The following PDGFD variants were observed in gnomAD, a reference collection of about 807,000 sequenced individuals.
PDGFD encodes platelet derived growth factor D.
A neutral mutation model predicts 44.7 loss-of-function variants in PDGFD; 30 were observed. The observed-to-expected ratio is 0.67, with a 90% CI of 0.50 to 0.91. The LOEUF (loss-of-function observed/expected upper bound fraction) is 0.91. Ranked by LOEUF, PDGFD falls within the 40% of genes least tolerant of loss-of-function variation. PDGFD has a pLI of 0.00. For synonymous variants in PDGFD, 173 were observed against 168.4 expected (o/e 1.03, Z -0.21); for missense variants, 445 against 457.8 (o/e 0.97, Z 0.25).
At chr11:103,987,074 C>A (rs770716579) in intron 3 of PDGFD, among the ~76,000 whole-genome samples, 1,836 of 126,578 alleles carry the variant, frequency 0.015, 17 homozygotes, top group Non-Finnish European at 0.021. Context: ...AACCCCCCCC[C>A]ACCCCAAACA....
intron 3 of PDGFD, among the ~76,000 whole-genome samples, chr11:103,974,062 T>C (rs1343455172): frequency 1.3e-5 from 2 of 152,088 alleles, no homozygotes; most frequent in African/African-American, 2.4e-5. Flanking sequence ...AGATTCTTGT[T>C]TACTGTGTAG....
At chr11:103,925,647 C>G (rs944894271) in intron 6 of PDGFD, among the ~76,000 whole-genome samples, 1 of 143,662 alleles carries the variant, frequency 7.0e-6, no homozygotes, top group Non-Finnish European at 1.5e-5. Flanking sequence ...TCAGTCTACT[C>G]TCTCTCTCTC....
At chr11:103,923,225 T>C (rs558318034) in intron 6 of PDGFD, among the ~76,000 whole-genome samples, 6 of 152,208 alleles carry the variant, frequency 3.9e-5, no homozygotes, top group African/African-American at 1.4e-4. Flanking sequence ...CCAAGAAGCA[T>C]AGAATGATTG....
chr11:104,114,806 G>A (rs758220290), intron 1 of PDGFD, among the ~76,000 whole-genome samples: 9 of 150,888 alleles, frequency 6.0e-5, no homozygotes, highest in Non-Finnish European at 1.0e-4. Context: ...TATAGACCCC[G>A]TACATATTTC....
At chr11:104,085,591 A>G (rs1246440487) in intron 1 of PDGFD, among the ~76,000 whole-genome samples, 3 of 152,176 alleles carry the variant, frequency 2.0e-5, no homozygotes, top group Non-Finnish European at 4.4e-5. Context: ...TTATTTATTC[A>G]CTTAGAAATA....
At chr11:104,157,064 T>TA (rs1009901584) in intron 1 of PDGFD, among the ~76,000 whole-genome samples, 1 of 152,200 alleles carries the variant, frequency 6.6e-6, no homozygotes, top group Non-Finnish European at 1.5e-5. Flanking sequence ...TGAAAAAACT[T>TA]AAAGTGTTGT....
chr11:104,087,248 T>C (rs1269403485), intron 1 of PDGFD, among the ~76,000 whole-genome samples: 1 of 146,552 alleles, frequency 6.8e-6, no homozygotes, highest in Non-Finnish European at 1.5e-5. Flanking sequence ...TAGGCTGAAG[T>C]GCAGTGGTGC....
chr11:104,034,545 G>T (rs1860187101), intron 1 of PDGFD, among the ~76,000 whole-genome samples: 1 of 152,116 alleles, frequency 6.6e-6, no homozygotes, highest in African/African-American at 2.4e-5. Context: ...TCAAAGAAGG[G>T]GGTGAAACTA....
At chr11:103,923,657 A>T (rs1858260497) in intron 6 of PDGFD, among the ~76,000 whole-genome samples, 1 of 152,066 alleles carries the variant, frequency 6.6e-6, no homozygotes, top group African/African-American at 2.4e-5. Context: ...AGCAACCCCC[A>T]CTTCTGGAAA....
At chr11:104,144,507 C>CAAAAAAAAAAAAAAA (rs201864924) in intron 1 of PDGFD, among the ~76,000 whole-genome samples, 10 of 73,808 alleles carry the variant, frequency 1.4e-4, no homozygotes, top group African/African-American at 5.7e-4. Context: ...ACTCCGTCAC[C>CAAAAAAAAAAAAAAA]AAAAAAAAAA....
At chr11:104,034,064 G>A (rs1425758652) in intron 1 of PDGFD, among the ~76,000 whole-genome samples, 7 of 152,034 alleles carry the variant, frequency 4.6e-5, no homozygotes, top group African/African-American at 1.2e-4. Context: ...CCACTCTGGC[G>A]CACCCTGCAT....
chr11:104,039,963 A>G (rs962799308), intron 1 of PDGFD, among the ~76,000 whole-genome samples: 1 of 152,080 alleles, frequency 6.6e-6, no homozygotes, highest in East Asian at 1.9e-4. Flanking sequence ...TACCCACCCT[A>G]CCTTCTCAGA....
At chr11:104,053,414 T>A (rs1860572775) in intron 1 of PDGFD, among the ~76,000 whole-genome samples, 1 of 152,218 alleles carries the variant, frequency 6.6e-6, no homozygotes, top group Non-Finnish European at 1.5e-5. Context: ...TTATATTACT[T>A]ACTCAGTTCA....
chr11:103,907,326 T>C lies in PDGFD; in HGVS notation c.*2368A>G, dbSNP rs1857949832. 6.6e-6 allele frequency: 1 copy of C among 152,242 alleles called. No homozygotes were observed. Among genetic ancestry groups the C allele is most frequent in the Admixed American group, 6.5e-5 (1 of 15,286 alleles). 9.4% of individuals were successfully genotyped at this position (152,242 alleles called of 1,614,324 possible). A position where few individuals can be genotyped will look rare whatever the true frequency, so the allele number is the denominator to read the frequency against. On this transcript the variant is annotated 3_prime_UTR_variant, in exon 7 of 7. Transcript: ENST00000393158. ...AAAAAACTCTACTTATGAAAGTGTT[T>C]TGCCCTATAAGAACATATTCAATAA...
At chr11:104,032,401 C>G (rs1860142711) in intron 1 of PDGFD, among the ~76,000 whole-genome samples, 1 of 152,122 alleles carries the variant, frequency 6.6e-6, no homozygotes, top group South Asian at 2.1e-4. Flanking sequence ...TGATTTAACT[C>G]TCTTAATAAG....
chr11:104,143,657 G>A (rs1862118876), intron 1 of PDGFD, among the ~76,000 whole-genome samples: 1 of 152,124 alleles, frequency 6.6e-6, no homozygotes, highest in Non-Finnish European at 1.5e-5. Context: ...GAGAGTCTCT[G>A]GACCAAATGG....
At chr11:104,028,523 G>T (rs953487764) in intron 1 of PDGFD, among the ~76,000 whole-genome samples, 1 of 150,494 alleles carries the variant, frequency 6.6e-6, no homozygotes, top group African/African-American at 2.4e-5. Flanking sequence ...AATGGTCTCA[G>T]AGCCCAATTT....
At chr11:104,137,125 C>G (rs895583543) in intron 1 of PDGFD, among the ~76,000 whole-genome samples, 5 of 152,162 alleles carry the variant, frequency 3.3e-5, no homozygotes, top group African/African-American at 9.7e-5. Context: ...GTTTGTGATA[C>G]CACATGGCCT....
intron 1 of PDGFD, among the ~76,000 whole-genome samples, chr11:104,084,760 A>T (rs1861098071): frequency 1.2e-5 from 1 of 80,662 alleles, no homozygotes; most frequent in South Asian, 3.6e-4. Context: ...TAGTTTATAT[A>T]TTAATTATAA....
Sources: allele counts gnomAD v4.1 joint callset (sites outside exome capture counted in the v4.1 genomes callset), GRCh38; gene constraint gnomAD v4.1.1; transcripts MANE v1.5; gene names NCBI Gene and HGNC (gene_info 2026-07-23, HGNC 2026-07-21).